CHAMP1: variants seen among roughly 807,000 people sequenced by gnomAD.
CHAMP1 encodes chromosome alignment maintaining phosphoprotein 1, also known as chromosome alignment-maintaining phosphoprotein 1.
In CHAMP1, 4 loss-of-function variants were observed where a neutral mutation model predicts 54.5. The observed-to-expected ratio is 0.07, with a 90% CI of 0.04 to 0.17. The LOEUF is 0.17. Ranked by LOEUF, CHAMP1 falls within the 10% of genes least tolerant of loss-of-function variation. CHAMP1 has a pLI of 1.00. For synonymous variants in CHAMP1, 368 were observed against 342.2 expected (o/e 1.08, Z -0.83); for missense variants, 994 against 968.6 (o/e 1.03, Z -0.35).
At position 114,325,196 on chromosome 13, in the gene CHAMP1, T is replaced by C. The variant is rs781792138; in HGVS notation, c.1354T>C (p.Ser452Pro). The change falls in exon 3 of 3, where the codon TCT becomes CCT. Residue 452 changes from serine to proline, a missense_variant. Transcript: ENST00000361283. ...PSGSPDLWKL[S>P]PDQRKTSPAS... ...AGGGTCACCAGATCTTTGGAAGCTT[T>C]CTCCTGATCAGCGGAAAACTTCTCC... 4 of 1,614,136 alleles carry C rather than the reference T, an allele frequency of 2.5e-6. No individual in the cohort carries two copies. In the East Asian group the frequency reaches 6.7e-5, roughly 27 times the overall value.
intron 2 of CHAMP1, 98 bp downstream of exon 2, chr13:114,321,330 A>G (rs975867013): frequency 6.6e-6 from 1 of 152,254 alleles, no homozygotes; most frequent in Non-Finnish European, 1.5e-5. Flanking sequence ...CTAAAAGTGT[A>G]CACGCCCTTA....
rs1566791145 is a variant in CHAMP1 at position 114,324,417 on chromosome 13, C to T, written c.575C>T (p.Pro192Leu). ...TCTCCTGAACCTCCAAAATCAGTCC[C>T]TGTTTGTGAGTCTCAGAAACTTGCC... ...VSSPEPPKSV[P>L]VCESQKLAPV... Residue 192 changes from proline (P) to leucine (L), a missense_variant, in exon 3 of 3, where the codon CCT (proline) becomes CTT (leucine). By Grantham distance (98) the Pro-to-Leu change is moderately conservative. This residue lies in a region of CHAMP1 where 851 missense variants were observed against 701.3 expected (regional missense o/e 1.21). Coordinates refer to ENST00000361283, the MANE Select transcript of CHAMP1 (RefSeq NM_032436.4). 3 of 1,614,188 alleles carry T rather than the reference C, an allele frequency of 1.9e-6. No individual in the cohort carries two copies. The highest frequency in any genetic ancestry group is 2.5e-6 in the Non-Finnish European group (3 of 1,180,032).
chr13:114,326,192 T>G lies in CHAMP1; in HGVS notation c.2350T>G (p.Leu784Val), dbSNP rs2087248549. 1 of 1,610,842 alleles carries G rather than the reference T, an allele frequency of 6.2e-7. No homozygotes were observed. The highest frequency in any genetic ancestry group is 8.5e-7 in the Non-Finnish European group (1 of 1,178,134). Residue 784 changes from leucine to valine, a missense_variant, in exon 3 of 3, where the codon TTA (leucine) becomes GTA (valine). Transcript: ENST00000361283. ...TTTCCCAAGAGGTTTTAAGAAACAT[T>G]TAACTCATTGTCAAAGCCGGCATAA... ...SNFPRGFKKH[L>V]THCQSRHNEE...
Position 114,324,924 on chromosome 13 carries a change from C to G in CHAMP1, c.1082C>G (p.Pro361Arg). Residue 361 changes from proline to arginine, a missense_variant, in exon 3 of 3, where the codon CCA (proline) becomes CGA (arginine). This residue lies in a region of CHAMP1 where 851 missense variants were observed against 701.3 expected (regional missense o/e 1.21). Transcript: ENST00000361283. ...IPSVSPGPWKPTPSVSSASWK... is the reference protein window; with the variant it reads ...IPSVSPGPWKRTPSVSSASWK... Reference sequence around the variant, plus strand: ...TCTGTATCTCCTGGACCTTGGAAACCAACTCCATCTGTGTCTTCTGCATCC... The same window carrying G: ...TCTGTATCTCCTGGACCTTGGAAACGAACTCCATCTGTGTCTTCTGCATCC... 6.2e-7 allele frequency: 1 copy of G among 1,614,132 alleles called. No individual in the cohort carries two copies. Among genetic ancestry groups the G allele is most frequent in the Non-Finnish European group, 8.5e-7 (1 of 1,180,008 alleles).
At position 114,323,785 on chromosome 13, in the gene CHAMP1, C is replaced by T; in HGVS notation, c.-55-3C>T. On this transcript the variant is annotated splice_region_variant and splice_polypyrimidine_tract_variant and intron_variant, in intron 2 of 2. Transcript: ENST00000361283. ...AAAATAATTTATTCCTACTTTATTG[C>T]AGCAGTATTGAAAGTTTTTAAAGAA... 1.3e-6 allele frequency: 2 copies of T among 1,514,644 alleles called. No individual in the cohort carries two copies. The highest frequency in any genetic ancestry group is 1.3e-5 in the South Asian group (1 of 75,378). The allele number at this position is 1,514,644 out of a possible 1,614,324, so 93.8% of individuals were successfully genotyped here.
chr13:114,321,828 T>C (rs1017604132), intron 2 of CHAMP1, among the ~76,000 whole-genome samples: 28 of 152,274 alleles, frequency 1.8e-4, no homozygotes, highest in Middle Eastern at 3.4e-3. Context: ...CAAAACAGTT[T>C]TCTAAAATAC....
Position 114,324,276 on chromosome 13 carries a change from C to T in CHAMP1, c.434C>T (p.Ser145Leu), listed in dbSNP as rs559362276. 27 of 1,614,186 alleles carry T rather than the reference C, an allele frequency of 1.7e-5. No individual in the cohort carries two copies. The highest frequency in any genetic ancestry group is 4.5e-5 in the East Asian group (2 of 44,890). Residue 145 changes from serine (S) to leucine (L), a missense_variant, in exon 3 of 3, where the codon TCG (serine) becomes TTG (leucine). Coordinates refer to ENST00000361283, the MANE Select transcript of CHAMP1 (RefSeq NM_032436.4). ...QKLGSVLSPE[S>L]PKPTPLTPLE... ...CTTGGTTCAGTTTTGTCTCCAGAAT[C>T]GCCAAAACCTACTCCTCTTACTCCC... is the stretch of plus-strand genomic sequence containing the variant.
At position 114,323,775 on chromosome 13, in the gene CHAMP1, T is replaced by C. The variant is rs1792838563; in HGVS notation, c.-55-13T>C. 2 of 1,509,256 alleles carry C rather than the reference T, an allele frequency of 1.3e-6. No individual in the cohort carries two copies. Among genetic ancestry groups the C allele is most frequent in the Non-Finnish European group, 1.8e-6 (2 of 1,126,758 alleles). 93.5% of individuals were successfully genotyped at this position (1,509,256 alleles called of 1,614,324 possible). ...ACAGTTCATGAAAATAATTTATTCC[T>C]ACTTTATTGCAGCAGTATTGAAAGT... On this transcript the variant is annotated splice_polypyrimidine_tract_variant and intron_variant, in intron 2 of 2. Coordinates refer to ENST00000361283, the MANE Select transcript of CHAMP1 (RefSeq NM_032436.4).
At position 114,324,732 on chromosome 13, in the gene CHAMP1, C is replaced by G; in HGVS notation, c.890C>G (p.Ser297Cys). Residue 297 changes from serine (S) to cysteine (C), a missense_variant, in exon 3 of 3, where the codon TCC becomes TGC. Physicochemically the swap from Ser to Cys is moderately radical, Grantham distance 112. This residue lies in a region of CHAMP1 where 851 missense variants were observed against 701.3 expected (regional missense o/e 1.21). Coordinates refer to ENST00000361283, the MANE Select transcript of CHAMP1 (RefSeq NM_032436.4). ...CCTTGGAAGCCGTTCCCTGCTGTCT[C>G]CCCAGAGCCTAGGAGACCAGCCCCC... is the stretch of plus-strand genomic sequence containing the variant. ...PEPWKPFPAV[S>C]PEPRRPAPAV... The G allele has an allele frequency of 6.2e-7, 1 of 1,613,952 alleles. No individual in the cohort carries two copies. Among genetic ancestry groups the G allele is most frequent in the South Asian group, 1.1e-5 (1 of 91,078 alleles).
chr13:114,323,681 A>G (rs532970702), intron 2 of CHAMP1, 107 bp from the exon 3 acceptor site: 1 of 870,090 alleles, frequency 1.1e-6, no homozygotes, highest in African/African-American at 1.7e-5. Flanking sequence ...CTATCAAATA[A>G]AGCACGCACT....
At chr13:114,314,667 G>A (rs2087072833) in intron 1 of CHAMP1, 24 bp downstream of exon 1, 3 of 152,184 alleles carry the variant, frequency 2.0e-5, no homozygotes, top group Admixed American at 6.5e-5. Flanking sequence ...GCGAGCGGGG[G>A]AGGGGCGTGG....
rs782583966 is a variant in CHAMP1 at position 114,324,268 on chromosome 13, T to A, written c.426T>A (p.Ser142=). The A allele has an allele frequency of 4.3e-6, 7 of 1,614,012 alleles. No homozygotes were observed. The African/African-American group carries it at 9.3e-5, about 22-fold the overall frequency. Reference sequence around the variant, plus strand: ...CACAGAAACTTGGTTCAGTTTTGTCTCCAGAATCGCCAAAACCTACTCCTC... The same window carrying A: ...CACAGAAACTTGGTTCAGTTTTGTCACCAGAATCGCCAAAACCTACTCCTC... ...METQKLGSVL[S]PESPKPTPLT... The change falls in exon 3 of 3, where the codon TCT becomes TCA. Residue 142 remains serine, a synonymous_variant. Transcript: ENST00000361283.
intron 1 of CHAMP1, among the ~76,000 whole-genome samples, chr13:114,319,374 A>T (rs1228101830): frequency 6.6e-6 from 1 of 152,204 alleles, no homozygotes; most frequent in African/African-American, 2.4e-5. Flanking sequence ...TTAGGATTGA[A>T]CAGAGCACAT....
At chr13:114,318,247 A>T (rs2087121997) in intron 1 of CHAMP1, among the ~76,000 whole-genome samples, 1 of 151,910 alleles carries the variant, frequency 6.6e-6, no homozygotes, top group Admixed American at 6.6e-5. Flanking sequence ...CAGTCTTTTC[A>T]GTTATAAAAT....
Position 114,324,477 on chromosome 13 carries a change from C to T in CHAMP1, c.635C>T (p.Pro212Leu). The T allele has an allele frequency of 6.2e-7, 1 of 1,614,220 alleles. No homozygotes were observed. Among genetic ancestry groups the T allele is most frequent in the Non-Finnish European group, 8.5e-7 (1 of 1,180,036 alleles). ...TCTCCAGAACCACAGAAACCTGCCC[C>T]TGTATCTCCTGAGTCAGTAAAGGCT... is the stretch of plus-strand genomic sequence containing the variant. ...VPSPEPQKPA[P>L]VSPESVKATL... Residue 212 changes from proline to leucine, a missense_variant, in exon 3 of 3, where the codon CCT becomes CTT. Transcript: ENST00000361283.
At chr13:114,322,812 T>C (rs1354768036) in intron 2 of CHAMP1, 3 of 152,260 alleles carry the variant, frequency 2.0e-5, no homozygotes, top group Non-Finnish European at 2.9e-5. Context: ...TTGATCAATA[T>C]ATGCTTAGGA....
chr13:114,320,635 A>G (rs1362437420), intron 1 of CHAMP1, among the ~76,000 whole-genome samples: 1 of 152,058 alleles, frequency 6.6e-6, no homozygotes, highest in East Asian at 1.9e-4. Context: ...AGTGGTATCT[A>G]CTGTAGTCTT....
At chr13:114,317,585 C>G (rs538288731) in intron 1 of CHAMP1, among the ~76,000 whole-genome samples, 1 of 152,186 alleles carries the variant, frequency 6.6e-6, no homozygotes, top group East Asian at 1.9e-4. Context: ...GATGGCGTCA[C>G]TGCACCAAAA....
intron 1 of CHAMP1, among the ~76,000 whole-genome samples, chr13:114,316,257 G>A (rs530258323): frequency 5.8e-4 from 87 of 149,256 alleles, no homozygotes; most frequent in African/African-American, 1.9e-3. Flanking sequence ...TCCGTCTCTC[G>A]GATTTAAGCG....
Sources: gnomAD v4.1 joint callset for allele counts (sites outside exome capture counted in the v4.1 genomes callset) on GRCh38, gnomAD v4.1.1 for gene constraint, gnomAD v4.1.1 regional missense constraint, MANE v1.5 for transcripts, NCBI Gene and HGNC (gene_info 2026-07-23, HGNC 2026-07-21) for gene names.